The following GALNT13 variants were observed in gnomAD, a reference collection of about 807,000 sequenced individuals.
GALNT13 encodes polypeptide N-acetylgalactosaminyltransferase 13.
Under a neutral mutation model 64.2 loss-of-function variants are expected in GALNT13, and 28 were observed. The observed-to-expected ratio is 0.44, with a 90% CI of 0.32 to 0.60. The LOEUF (loss-of-function observed/expected upper bound fraction) is 0.60, where lower values mean the gene tolerates loss of function less well. GALNT13 is among the 20% of genes least tolerant of loss of function. GALNT13 has a pLI of 0.05. For missense variants in GALNT13, 577 were observed against 669.8 expected, an observed-to-expected ratio of 0.86 and a Z score of 1.53; for synonymous variants, 214 against 224.6, an observed-to-expected ratio of 0.95 and a Z score of 0.42.
chr2:153,444,431 T>C, the GALNT13 span, among the ~76,000 whole-genome samples: 15 of 152,194 alleles, frequency 9.9e-5, no homozygotes, highest in Non-Finnish European at 1.9e-4. Flanking sequence ...ACTATCATGA[T>C]TGAGGAATGT....
chr2:154,025,081 TG>T (rs1697848263), intron 3 of GALNT13, among the ~76,000 whole-genome samples: 1 of 152,122 alleles, frequency 6.6e-6, no homozygotes, highest in South Asian at 2.1e-4. Context: ...TACCCAGCCG[TG>T]TAAGTTGTCA....
At chr2:153,157,578 C>A in the GALNT13 span, among the ~76,000 whole-genome samples, 1 of 152,088 alleles carries the variant, frequency 6.6e-6, no homozygotes, top group South Asian at 2.1e-4. Flanking sequence ...CATCTTATAA[C>A]ATAAAGTTTA....
At chr2:153,082,604 TATATATATATATATAC>T in the GALNT13 span, among the ~76,000 whole-genome samples, 29 of 43,992 alleles carry the variant, frequency 6.6e-4, no homozygotes, top group East Asian at 2.6e-3. Flanking sequence ...TATATATATA[TATATATATATATATAC>T]ACACACACAC....
At chr2:154,215,299 A>G (rs948230748) in intron 4 of GALNT13, among the ~76,000 whole-genome samples, 3 of 152,184 alleles carry the variant, frequency 2.0e-5, no homozygotes, top group Non-Finnish European at 2.9e-5. Flanking sequence ...TTGACCTTCC[A>G]ATCTAGTTTT....
At chr2:153,289,895 C>T in the GALNT13 span, among the ~76,000 whole-genome samples, 1 of 151,986 alleles carries the variant, frequency 6.6e-6, no homozygotes, top group African/African-American at 2.4e-5. Flanking sequence ...TATTGAGAGG[C>T]CATATAGCAT....
At chr2:153,710,506 C>T in the GALNT13 span, among the ~76,000 whole-genome samples, 18 of 152,154 alleles carry the variant, frequency 1.2e-4, no homozygotes, top group East Asian at 2.3e-3. Context: ...AACCACATGT[C>T]GAGAACAACT....
At chr2:154,233,894 C>A (rs62171202) in intron 4 of GALNT13, among the ~76,000 whole-genome samples, 1,530 of 152,130 alleles carry the variant, frequency 0.01, 9 homozygotes, top group Middle Eastern at 0.034. Context: ...AGCAAGCAGG[C>A]AAAGTATGAT....
intron 3 of GALNT13, among the ~76,000 whole-genome samples, chr2:154,048,933 T>C (rs1231115032): frequency 4.6e-5 from 7 of 152,118 alleles, no homozygotes; most frequent in African/African-American, 1.4e-4. Flanking sequence ...GGTATTTTTC[T>C]AGAGAAATGA....
intron 1 of GALNT13, among the ~76,000 whole-genome samples, chr2:153,872,576 C>T (rs1414436377): frequency 1.4e-5 from 2 of 143,314 alleles, no homozygotes; most frequent in African/African-American, 5.2e-5. Flanking sequence ...CGCCGCCCAC[C>T]TTCTGCTCTG....
chr2:153,233,859 A>C, the GALNT13 span, among the ~76,000 whole-genome samples: 5 of 152,096 alleles, frequency 3.3e-5, no homozygotes, highest in African/African-American at 1.2e-4. Context: ...GCAGAAATTT[A>C]TTTCCAGCAA....
At chr2:154,297,969 G>C (rs1046472723) in intron 8 of GALNT13, among the ~76,000 whole-genome samples, 1 of 151,978 alleles carries the variant, frequency 6.6e-6, no homozygotes, top group East Asian at 1.9e-4. Context: ...ATGTTTCTGG[G>C]ACATACAAGA....
At chr2:153,714,903 C>T in the GALNT13 span, among the ~76,000 whole-genome samples, 1 of 152,254 alleles carries the variant, frequency 6.6e-6, no homozygotes, top group Non-Finnish European at 1.5e-5. Flanking sequence ...CTGAAATACC[C>T]GTGTTAGGGA....
chr2:154,427,568 G>A (rs1700526761), intron 11 of GALNT13, among the ~76,000 whole-genome samples: 1 of 152,170 alleles, frequency 6.6e-6, no homozygotes. Flanking sequence ...TTATATTGAG[G>A]TGAAAGCAGA....
chr2:153,325,250 A>T, the GALNT13 span, among the ~76,000 whole-genome samples: 1 of 147,026 alleles, frequency 6.8e-6, no homozygotes, highest in Non-Finnish European at 1.5e-5. Context: ...CCAGGAATTT[A>T]TCCATTTCTT....
At chr2:154,116,442 AG>A (rs200973857) in intron 3 of GALNT13, among the ~76,000 whole-genome samples, 7,699 of 152,242 alleles carry the variant, frequency 0.051, 263 homozygotes, top group South Asian at 0.11. Flanking sequence ...ACTCTCACTC[AG>A]GGCAATCTAA....
At chr2:154,347,335 A>G (rs1696126571) in intron 9 of GALNT13, among the ~76,000 whole-genome samples, 1 of 152,082 alleles carries the variant, frequency 6.6e-6, no homozygotes, top group Non-Finnish European at 1.5e-5. Context: ...ATACCACTTG[A>G]TCTTTCATAT....
At chr2:153,471,592 T>C in the GALNT13 span, among the ~76,000 whole-genome samples, 4,860 of 152,268 alleles carry the variant, frequency 0.032, 104 homozygotes, top group Middle Eastern at 0.071. Context: ...TTTCTAGAGA[T>C]TTTACTTGAT....
chr2:153,534,892 T>C, the GALNT13 span, among the ~76,000 whole-genome samples: 1 of 152,108 alleles, frequency 6.6e-6, no homozygotes, highest in African/African-American at 2.4e-5. Context: ...GCCATCTGGG[T>C]GTATACGTGC....
rs1683198577 is a variant in GALNT13 at position 154,140,483 on chromosome 2, C to T, written c.289C>T (p.Leu97=). The T allele has an allele frequency of 3.7e-6, 6 of 1,609,972 alleles. No homozygotes were observed. Among genetic ancestry groups the T allele is most frequent in the Non-Finnish European group, 5.1e-6 (6 of 1,177,418 alleles). The change falls in exon 4 of 13, where the codon CTG becomes TTG. Residue 97 remains leucine (L), a synonymous_variant. Coordinates refer to ENST00000392825, the MANE Select transcript of GALNT13 (RefSeq NM_052917.4). ...ASDLIALNRS[L]PDVRLEGCKT... is the part of the protein sequence containing the mutation. The stretch of plus-strand genomic sequence containing the variant: ...TGATTTGATTGCCCTTAATAGAAGT[C>T]TGCCAGATGTAAGATTAGAAGGGTA...
Sources: gnomAD v4.1 joint callset for allele counts (sites outside exome capture counted in the v4.1 genomes callset) on GRCh38, gnomAD v4.1.1 for gene constraint, MANE v1.5 for transcripts, NCBI Gene and HGNC (gene_info 2026-07-23, HGNC 2026-07-21) for gene names.